AVEN: variants seen among roughly 807,000 people sequenced by gnomAD.
AVEN encodes apoptosis and caspase activation inhibitor, also known as cell death regulator Aven.
A neutral mutation model predicts 38.1 loss-of-function variants in AVEN; 41 were observed. The ratio of observed to expected loss-of-function variants is 1.08; its 90% CI spans 0.84 to 1.40. The LOEUF is 1.40. Among genes scored for constraint, AVEN ranks in the 40% most tolerant of loss-of-function variants. AVEN has a pLI of 0.00. For missense variants in AVEN, 605 were observed against 438.8 expected, an observed-to-expected ratio of 1.38 and a Z score of -3.38; for synonymous variants, 206 against 171.8, an observed-to-expected ratio of 1.20 and a Z score of -1.56.
rs376685660 is a variant in AVEN, at chr15:34,070,126, A to G, written n.784+462T>C. Among the ~76,000 whole-genome samples the G allele has an allele frequency of 5.1e-4, 77 of 152,354 alleles. 2 individuals carry two copies. Among genetic ancestry groups the G allele is most frequent in the African/African-American group, 1.8e-3 (75 of 41,586 alleles). ...TCTTCACAGGGCAGCAGGAAAGAAA[A>G]TGAGTGCCAGCAGGGAAAATGCCAG... On this transcript the variant is annotated intron_variant and non_coding_transcript_variant, in intron 2 of 11. Transcript: ENST00000675287.
chr15:33,859,707 G>A (rs1290458174), intron 11 of AVEN: 1 of 1,611,270 alleles, frequency 6.2e-7, no homozygotes. Context: ...CTTCGTCATT[G>A]TCATCTTGCT....
At chr15:33,953,831 C>T (rs980380245) in intron 2 of AVEN, among the ~76,000 whole-genome samples, 2 of 152,166 alleles carry the variant, frequency 1.3e-5, no homozygotes, top group Admixed American at 6.5e-5. Context: ...GCAAAAGAAA[C>T]TACCATCAGA....
At chr15:33,988,787 C>G (rs960364383) in intron 2 of AVEN, among the ~76,000 whole-genome samples, 3 of 152,212 alleles carry the variant, frequency 2.0e-5, no homozygotes, top group African/African-American at 7.2e-5. Context: ...CTTGCTCTAT[C>G]CCATGCAGCA....
At chr15:33,944,803 A>G (rs376510695) in intron 2 of AVEN, among the ~76,000 whole-genome samples, 34 of 151,624 alleles carry the variant, frequency 2.2e-4, no homozygotes, top group East Asian at 1.4e-3. Context: ...AGTGAGACTC[A>G]GTCTCGAAAA....
At position 34,063,678 on chromosome 15, in the gene AVEN, C is replaced by T. The variant is rs763934955; in HGVS notation, n.1127-246G>A. Reference sequence around the variant, plus strand: ...GGACAAGCCCGCCACTGACCCTGTCCTCCAAGTGGTCTACAAGAGTCAGGG... The same window carrying T: ...GGACAAGCCCGCCACTGACCCTGTCTTCCAAGTGGTCTACAAGAGTCAGGG... On this transcript the variant is annotated intron_variant and non_coding_transcript_variant, in intron 4 of 11. Coordinates refer to the AVEN transcript ENST00000675287. This position sits in a 1 kb window ranked among gnomAD's most constrained non-coding sequence, Gnocchi z 4.1. 40 of 1,614,056 alleles carry T rather than the reference C, an allele frequency of 2.5e-5. No homozygotes were observed. In the South Asian group the frequency reaches 4.2e-4, roughly 17 times the overall value.
intron 2 of AVEN, among the ~76,000 whole-genome samples, chr15:33,935,298 C>A (rs1230244847): frequency 6.6e-6 from 1 of 152,136 alleles, no homozygotes; most frequent in Non-Finnish European, 1.5e-5. Context: ...AAAATGCTAG[C>A]TAGCACAAGT....
intron 5 of AVEN, 58 bp from the exon 6 acceptor site, chr15:33,866,786 A>ATTCAGCCCAATTTATTACT: frequency 8.2e-7 from 1 of 1,220,194 alleles, no homozygotes; most frequent in Non-Finnish European, 1.2e-6. Context: ...TGAAGGTATA[A>ATTCAGCCCAATTTATTACT]TTCAGCCCAA....
At chr15:34,032,799 A>G (rs920987910) in intron 1 of AVEN, among the ~76,000 whole-genome samples, 2 of 152,212 alleles carry the variant, frequency 1.3e-5, no homozygotes, top group Non-Finnish European at 2.9e-5. Flanking sequence ...CCAAGCCTCA[A>G]CAATAGGATA....
chr15:33,880,661 A>G (rs1420438943), intron 2 of AVEN, among the ~76,000 whole-genome samples: 2 of 152,242 alleles, frequency 1.3e-5, no homozygotes, highest in South Asian at 2.1e-4. Context: ...AATGATCTCT[A>G]TAATTTTTAA....
chr15:33,869,099 A>G (rs1890826572), intron 4 of AVEN, among the ~76,000 whole-genome samples: 1 of 152,168 alleles, frequency 6.6e-6, no homozygotes, highest in Admixed American at 6.5e-5. Flanking sequence ...CTTTATATAC[A>G]AACAGGAATA....
Position 33,899,460 on chromosome 15 carries a change from C to CTTTTTTTTTTTTTTTTTTTTTTTT in AVEN, c.446-23489_446-23466dup, listed in dbSNP as rs533788693. On this transcript the variant is annotated intron_variant, in intron 2 of 5. Transcript: ENST00000306730. ...TACATTTATTTGCTTCAGGGAAAAC[C>CTTTTTTTTTTTTTTTTTTTTTTTT]TTTTTTTTTTTTTTTTTTTTTTTTT... Among the ~76,000 whole-genome samples, 104 of 65,428 alleles carry CTTTTTTTTTTTTTTTTTTTTTTTT rather than the reference C, an allele frequency of 1.6e-3. 7 individuals carry two copies. The highest frequency in any genetic ancestry group is 2.2e-3 in the Non-Finnish European group (76 of 35,020). The allele number at this position is 65,428 out of a possible 152,430, so 42.9% of individuals were successfully genotyped here. A position where few individuals can be genotyped will look rare whatever the true frequency, so the allele number is the denominator to read the frequency against.
intron 2 of AVEN, among the ~76,000 whole-genome samples, chr15:33,962,919 CAAAAAAAAAAAAAAAAAAAA>C (rs57807791): frequency 2.2e-4 from 18 of 81,922 alleles, no homozygotes; most frequent in East Asian, 1.9e-3. Flanking sequence ...AACTCGTTCT[CAAAAAAAAAAAAAAAAAAAA>C]AAAAAAAAAA....
intron 5 of AVEN, among the ~76,000 whole-genome samples, chr15:34,062,021 T>G (rs971396625): frequency 6.6e-6 from 1 of 152,172 alleles, no homozygotes; most frequent in Non-Finnish European, 1.5e-5. Flanking sequence ...CATCCCTGCT[T>G]TCCTCTCTTT....
intron 2 of AVEN, among the ~76,000 whole-genome samples, chr15:33,909,557 G>T (rs2153045078): frequency 6.6e-6 from 1 of 152,250 alleles, no homozygotes; most frequent in Non-Finnish European, 1.5e-5. Context: ...CTTCTTAATT[G>T]CAGGCACTGT....
intron 5 of AVEN, among the ~76,000 whole-genome samples, chr15:34,061,220 C>T (rs1900326426): frequency 6.6e-6 from 1 of 152,022 alleles, no homozygotes; most frequent in Admixed American, 6.6e-5. Flanking sequence ...CTACAATTTA[C>T]CCTTTAGTAC....
chr15:33,892,940 T>C (rs1892048538), intron 2 of AVEN, among the ~76,000 whole-genome samples: 1 of 152,152 alleles, frequency 6.6e-6, no homozygotes, highest in African/African-American at 2.4e-5. Flanking sequence ...GTCCTTCACA[T>C]CCCTTGTAAT....
chr15:33,974,275 T>C (rs1300980330), intron 2 of AVEN, among the ~76,000 whole-genome samples: 3 of 152,196 alleles, frequency 2.0e-5, no homozygotes, highest in Admixed American at 2.0e-4. Context: ...TATTCAAAGA[T>C]GAGTGGAGAA....
intron 2 of AVEN, among the ~76,000 whole-genome samples, chr15:33,933,275 C>T (rs1483835040): frequency 6.6e-6 from 1 of 152,090 alleles, no homozygotes; most frequent in Non-Finnish European, 1.5e-5. Flanking sequence ...CTCTGTTCTA[C>T]ACAAAGCTGG....
chr15:33,861,158 G>A (rs761955634), intron 11 of AVEN: 1 of 1,590,948 alleles, frequency 6.3e-7, no homozygotes, highest in East Asian at 2.3e-5. Flanking sequence ...CATTACAAGA[G>A]CACAACTTAG....
Sources: allele counts gnomAD v4.1 joint callset (sites outside exome capture counted in the v4.1 genomes callset), GRCh38; gene constraint gnomAD v4.1.1; non-coding constraint Gnocchi (gnomAD v3.1); transcripts MANE v1.5; gene names NCBI Gene and HGNC (gene_info 2026-07-23, HGNC 2026-07-21).